Variants in PPID observed in about 807,000 individuals in gnomAD.
PPID encodes the protein peptidylprolyl isomerase D.
A neutral mutation model predicts 48.1 loss-of-function variants in PPID; 47 were observed. That is an observed-to-expected ratio of 0.98 (90% confidence interval 0.77 to 1.25). The LOEUF is 1.25. Among genes scored for constraint, PPID ranks in the 50% most tolerant of loss-of-function variants. The probability of loss-of-function intolerance (pLI) is 0.00; values close to 1 mark genes in which losing one functional copy is unlikely to be tolerated. For missense variants in PPID, 429 were observed against 443.5 expected (o/e 0.97, Z 0.29); for synonymous variants, 163 against 148.8 (o/e 1.10, Z -0.69).
Position 158,709,702 on chromosome 4 carries a change from C to T in PPID, c.*34G>A, listed in dbSNP as rs776704632. Reference sequence around the variant, plus strand: ...TTTACATTTTCTTATTGCATTTATACAATCAACACACAATAAGCAAAACTG... The same window carrying T: ...TTTACATTTTCTTATTGCATTTATATAATCAACACACAATAAGCAAAACTG... On this transcript the variant is annotated 3_prime_UTR_variant, in exon 10 of 10. Transcript: ENST00000307720. The T allele has an allele frequency of 6.9e-7, 1 of 1,451,580 alleles. No homozygotes were observed. Among genetic ancestry groups the T allele is most frequent in the South Asian group, 1.2e-5 (1 of 85,240 alleles). 89.9% of individuals were successfully genotyped at this position (1,451,580 alleles called of 1,614,324 possible).
chr4:158,717,298 G>C lies in PPID; in HGVS notation c.334-98C>G. The C allele has an allele frequency of 3.6e-6, 4 of 1,113,282 alleles. 1 individual carries two copies. The South Asian group carries it at 7.2e-5, about 20-fold the overall frequency. 69.0% of individuals were successfully genotyped at this position (1,113,282 alleles called of 1,614,324 possible). On this transcript the variant is annotated intron_variant, in intron 3 of 9. Coordinates refer to ENST00000307720, the MANE Select transcript of PPID (RefSeq NM_005038.3). The stretch of plus-strand genomic sequence containing the variant: ...GTTCTTTTACTGAACATAAAACTGG[G>C]GTGCACTATACTACCATTTAGATCA...
chr4:158,721,306 T>C (rs1408585051), intron 2 of PPID, 37 bp downstream of exon 2: 1 of 1,602,348 alleles, frequency 6.2e-7, no homozygotes, highest in Non-Finnish European at 8.5e-7. Flanking sequence ...GACTTGTCTG[T>C]ATGAAGAATA....
chr4:158,711,125 AATC>A (rs2126326875), intron 7 of PPID, among the ~76,000 whole-genome samples: 1 of 152,300 alleles, frequency 6.6e-6, no homozygotes, highest in Non-Finnish European at 1.5e-5. Context: ...TTTAAGATAA[AATC>A]ATTTTGAAGA....
At chr4:158,709,985 T>C (rs1774756779) in intron 9 of PPID, 161 bp from the exon 10 acceptor site, 1 of 599,978 alleles carries the variant, frequency 1.7e-6, no homozygotes, top group Non-Finnish European at 2.9e-6. Flanking sequence ...AACACAGAAA[T>C]GAAACGTAAT....
intron 3 of PPID, among the ~76,000 whole-genome samples, chr4:158,718,012 A>G (rs1384342664): frequency 1.3e-5 from 2 of 151,858 alleles, no homozygotes; most frequent in Non-Finnish European, 2.9e-5. Context: ...AATGCCTTTT[A>G]CTCCCCTCAG....
At chr4:158,711,257 ACT>A (rs1192914005) in intron 7 of PPID, among the ~76,000 whole-genome samples, 20 of 151,962 alleles carry the variant, frequency 1.3e-4, no homozygotes, top group African/African-American at 4.8e-4. Context: ...ACAAGGTCTC[ACT>A]CTGTGGCCCA....
chr4:158,721,216 G>A (rs1774953491), intron 2 of PPID, 127 bp downstream of exon 2: 1 of 1,111,584 alleles, frequency 9.0e-7, no homozygotes, highest in Non-Finnish European at 1.3e-6. Context: ...CTGCGTTACT[G>A]CCTCAGACAT....
intron 6 of PPID, among the ~76,000 whole-genome samples, chr4:158,714,922 C>A (rs1774845425): frequency 6.6e-6 from 1 of 152,114 alleles, no homozygotes; most frequent in East Asian, 1.9e-4. Flanking sequence ...ATCAATATTA[C>A]TTTGGGGTGT....
Position 158,709,631 on chromosome 4 carries a change from G to T in PPID, c.*105C>A. The T allele has an allele frequency of 1.3e-6, 1 of 765,802 alleles. No homozygotes were observed. Among genetic ancestry groups the T allele is most frequent in the Non-Finnish European group, 2.1e-6 (1 of 471,842 alleles). The allele number at this position is 765,802 out of a possible 1,614,324, so 47.4% of individuals were successfully genotyped here. ...TAAACTGTAAACAGTAAGGAACTAA[G>T]GTGTCAAAAGAAACACATTAGGGAT... is the stretch of plus-strand genomic sequence containing the variant. On this transcript the variant is annotated 3_prime_UTR_variant, in exon 10 of 10. Coordinates refer to ENST00000307720, the MANE Select transcript of PPID (RefSeq NM_005038.3).
At chr4:158,716,527 T>C (rs1774874394) in intron 4 of PPID, among the ~76,000 whole-genome samples, 2 of 146,060 alleles carry the variant, frequency 1.4e-5, no homozygotes, top group Admixed American at 1.4e-4. Flanking sequence ...CCTTTAAAAC[T>C]ACCCTAATTG....
intron 7 of PPID, among the ~76,000 whole-genome samples, chr4:158,712,569 C>A (rs570892954): frequency 3.0e-4 from 45 of 152,196 alleles, no homozygotes; most frequent in African/African-American, 8.9e-4. Context: ...CCAGCCTGGC[C>A]AACATGGTGA....
rs1394379452 is a variant in PPID, at chr4:158,719,430, G to A, written c.227-144C>T. 34 of 608,108 alleles carry A rather than the reference G, an allele frequency of 5.6e-5. No homozygotes were observed. The East Asian group carries it at 6.5e-4, about 12-fold the overall frequency. The allele number at this position is 608,108 out of a possible 1,614,324, so 37.7% of individuals were successfully genotyped here. A position where few individuals can be genotyped will look rare whatever the true frequency, so the allele number is the denominator to read the frequency against. On this transcript the variant is annotated intron_variant, in intron 2 of 9. Transcript: ENST00000307720. ...TGTTTGTCGCTCCCCACCCGTCTCC[G>A]CAACTCCAAACGCTTCAGGCTTTTC... is the stretch of plus-strand genomic sequence containing the variant.
chr4:158,720,481 T>C (rs930736599), intron 2 of PPID, among the ~76,000 whole-genome samples: 5 of 152,214 alleles, frequency 3.3e-5, no homozygotes, highest in African/African-American at 1.2e-4. Flanking sequence ...CTGTATTAGA[T>C]GCCAAAAACA....
At chr4:158,715,870 T>C (rs1774863202) in intron 4 of PPID, among the ~76,000 whole-genome samples, 186 bp from the exon 5 acceptor site, 1 of 152,230 alleles carries the variant, frequency 6.6e-6, no homozygotes, top group South Asian at 2.1e-4. Flanking sequence ...ACATAAGCAT[T>C]TTATTGCTAT....
chr4:158,718,093 C>A (rs1346800817), intron 3 of PPID, among the ~76,000 whole-genome samples: 2 of 152,158 alleles, frequency 1.3e-5, no homozygotes, highest in African/African-American at 2.4e-5. Flanking sequence ...TGTCTATAGG[C>A]CCCTTTTCTC....
At position 158,710,765 on chromosome 4, in the gene PPID, T is replaced by A. The variant is rs1323228889; in HGVS notation, c.978A>T (p.Ala326=). Residue 326 remains alanine (A), a synonymous_variant, in exon 8 of 10, where the codon GCA becomes GCT. Transcript: ENST00000307720. ...AAACATTTGGAACAAAATTTACCAA[T>A]GCTTGATCATATTCTTTTAATCCTT... ...GWQGLKEYDQ[A]LADLKKAQGI... The A allele has an allele frequency of 6.2e-7, 1 of 1,613,376 alleles. No individual in the cohort carries two copies. Among genetic ancestry groups the A allele is most frequent in the Non-Finnish European group, 8.5e-7 (1 of 1,179,362 alleles).
At chr4:158,713,917 A>G (rs1561255195) in intron 6 of PPID, among the ~76,000 whole-genome samples, 1 of 152,044 alleles carries the variant, frequency 6.6e-6, no homozygotes, top group African/African-American at 2.4e-5. Flanking sequence ...TACCCATAAG[A>G]TATCCTCTAG....
In PPID at chr4:158,713,128, A is replaced by G. The variant is rs1774816274; in HGVS notation, c.885T>C (p.Ser295=). The change falls in exon 7 of 10, where the codon AGT becomes AGC. Residue 295 remains serine, a synonymous_variant. Coordinates refer to ENST00000307720, the MANE Select transcript of PPID (RefSeq NM_005038.3). Reference sequence around the variant, plus strand: ...AATCAAACAGACTTACCTCTAAACAACTGTCAATTGCTCCCTGCCAATTTG... The same window carrying G: ...AATCAAACAGACTTACCTCTAAACAGCTGTCAATTGCTCCCTGCCAATTTG... The part of the protein sequence containing the change: ...KMSNWQGAID[S]CLEALELDPS... The G allele has an allele frequency of 1.2e-6, 2 of 1,613,918 alleles. No individual in the cohort carries two copies. The highest frequency in any genetic ancestry group is 1.3e-5 in the African/African-American group (1 of 74,922).
In PPID at chr4:158,714,208, G is replaced by A. The variant is rs182788581; in HGVS notation, c.753-948C>T. On this transcript the variant is annotated intron_variant, in intron 6 of 9. Transcript: ENST00000307720. The stretch of plus-strand genomic sequence containing the variant: ...AGATCCACTGTGTGAAAAGTTGTTG[G>A]GGACTAGAAATTCATACAATTTCAC... Among the ~76,000 whole-genome samples the A allele has an allele frequency of 1.4e-3, 218 of 152,216 alleles. 1 individual carries two copies. Among genetic ancestry groups the A allele is most frequent in the African/African-American group, 4.9e-3 (205 of 41,524 alleles).
Sources: gnomAD v4.1 joint callset for allele counts (sites outside exome capture counted in the v4.1 genomes callset) on GRCh38, gnomAD v4.1.1 for gene constraint, MANE v1.5 for transcripts, NCBI Gene and HGNC (gene_info 2026-07-23, HGNC 2026-07-21) for gene names.